MBD6: variants seen among roughly 807,000 people sequenced by gnomAD.
The protein encoded by MBD6 is methyl-CpG binding domain protein 6.
MBD6 carries 22 observed loss-of-function variants against 66.8 expected under a neutral mutation model. The ratio of observed to expected loss-of-function variants is 0.33; its 90% CI spans 0.24 to 0.47. The LOEUF (loss-of-function observed/expected upper bound fraction) is 0.47, where lower values mean the gene tolerates loss of function less well. MBD6 is among the 20% of genes least tolerant of loss of function. The pLI, the probability that MBD6 is intolerant of heterozygous loss-of-function variation, is 1.00. For synonymous variants in MBD6, 540 were observed against 534.6 expected (o/e 1.01, Z -0.14); for missense variants, 1,322 against 1,286.9 (o/e 1.03, Z -0.42).
At chr12:57,527,413 AC>A in intron 7 of MBD6, 93 bp from the exon 8 acceptor site, 1 of 1,471,066 alleles carries the variant, frequency 6.8e-7, no homozygotes, top group South Asian at 1.1e-5. Context: ...GGCCTATCTC[AC>A]TTGAGGCTTC....
At chr12:57,525,322 G>C in intron 5 of MBD6, 26 bp from the exon 6 acceptor site, 2 of 1,553,698 alleles carry the variant, frequency 1.3e-6, no homozygotes, top group Non-Finnish European at 8.7e-7. Flanking sequence ...GCCACAGGCT[G>C]ACCCTTCATT....
Position 57,528,151 on chromosome 12 carries a change from C to T in MBD6, c.2411C>T (p.Pro804Leu), listed in dbSNP as rs140212422. 2.5e-6 allele frequency: 4 copies of T among 1,602,276 alleles called. No homozygotes were observed. Among genetic ancestry groups the T allele is most frequent in the Non-Finnish European group, 2.6e-6 (3 of 1,175,918 alleles). ...LACLLQSLQI[P>L]PEQPEAPCLP... ...AACTTATTTTTTTGCCAGCAGATCC[C>T]TCCAGAGCAGCCAGAAGCCCCCTGT... Residue 804 changes from proline to leucine, a missense_variant, in exon 10 of 13, where the codon CCT (proline) becomes CTT (leucine). By Grantham distance (98) the Pro-to-Leu change is moderately conservative. Coordinates refer to ENST00000355673, the MANE Select transcript of MBD6 (RefSeq NM_052897.4).
chr12:57,524,482 C>T (rs1332963315), intron 3 of MBD6, 66 bp downstream of exon 3: 1 of 1,367,170 alleles, frequency 7.3e-7, no homozygotes, highest in African/African-American at 1.5e-5. Flanking sequence ...TCTTCCGTTT[C>T]TTCTCTCAGC....
intron 8 of MBD6, 50 bp downstream of exon 8, chr12:57,527,710 G>C: frequency 3.9e-6 from 6 of 1,558,320 alleles, no homozygotes; most frequent in Non-Finnish European, 5.2e-6. Flanking sequence ...AAAAGCAGGA[G>C]TAAAACTTGG....
Position 57,527,729 on chromosome 12 carries a change from G to T in MBD6, c.2236+69G>T, listed in dbSNP as rs1879119752. The T allele has an allele frequency of 3.2e-6, 5 of 1,556,548 alleles. No individual in the cohort carries two copies. The South Asian group carries it at 4.9e-5, about 15-fold the overall frequency. On this transcript the variant is annotated intron_variant, in intron 8 of 12. Transcript: ENST00000355673. ...GCAGGAGTAAAACTTGGGAGTAGTG[G>T]CTGAATAAATTGGGGAAGAAAGTCT...
Position 57,525,977 on chromosome 12 carries a change from C to A in MBD6, c.1009C>A (p.Pro337Thr), listed in dbSNP as rs757061772. 23 of 1,613,684 alleles carry A rather than the reference C, an allele frequency of 1.4e-5. No homozygotes were observed. In the Admixed American group the frequency reaches 2.3e-4, roughly 16 times the overall value. ...AAKAQHPPLP[P>T]PSTLQGRRPR... The stretch of plus-strand genomic sequence containing the variant: ...CAAGGCACAGCATCCCCCACTACCC[C>A]CTCCCAGCACTTTACAGGGCCGAAG... Residue 337 changes from proline (P) to threonine (T), a missense_variant, in exon 6 of 13, where the codon CCT (proline) becomes ACT (threonine). Physicochemically the swap from Pro to Thr is conservative, Grantham distance 38. Transcript: ENST00000355673.
chr12:57,529,063 G>A (rs190560929), intron 12 of MBD6, 54 bp downstream of exon 12: 23 of 1,613,506 alleles, frequency 1.4e-5, no homozygotes, highest in African/African-American at 1.3e-4. Context: ...GGGATGAGGC[G>A]GCAGGAGGAA....
chr12:57,525,371 T>C lies in MBD6; in HGVS notation c.403T>C (p.Phe135Leu), dbSNP rs183947015. The change falls in exon 6 of 13, where the codon TTC becomes CTC. Residue 135 changes from phenylalanine (F) to leucine (L), a missense_variant. By Grantham distance (22) the Phe-to-Leu change is conservative. Coordinates refer to ENST00000355673, the MANE Select transcript of MBD6 (RefSeq NM_052897.4). ...SPGEGASPQM[F>L]HTVSPGPPSA... ...AGGAGAGGGAGCGAGCCCCCAAATG[T>C]TCCACACTGTGTCCCCAGGGCCCCC... 3.5e-4 allele frequency: 553 copies of C among 1,567,628 alleles called. 2 individuals are homozygous for C. Among genetic ancestry groups the C allele is most frequent in the Middle Eastern group, 1.2e-3 (7 of 5,794 alleles).
In MBD6 at chr12:57,529,444, C is replaced by T. The variant is rs1300284329; in HGVS notation, c.*210C>T. On this transcript the variant is annotated 3_prime_UTR_variant, in exon 13 of 13. Coordinates refer to ENST00000355673, the MANE Select transcript of MBD6 (RefSeq NM_052897.4). ...CCCCCCCCCACCACCCCCCCGCCCC[C>T]CCGAAGCCATGTCACTGAAAAGGCC... is the stretch of plus-strand genomic sequence containing the variant. 5 of 566,174 alleles carry T rather than the reference C, an allele frequency of 8.8e-6. No homozygotes were observed. In the East Asian group the frequency reaches 1.2e-4, roughly 13 times the overall value. 35.1% of individuals were successfully genotyped at this position (566,174 alleles called of 1,614,324 possible). A position where few individuals can be genotyped will look rare whatever the true frequency, so the allele number is the denominator to read the frequency against.
Position 57,525,799 on chromosome 12 carries a change from T to C in MBD6, c.831T>C (p.Asn277=). 1 of 1,004,070 alleles carries C rather than the reference T, an allele frequency of 1.0e-6. No homozygotes were observed. Among genetic ancestry groups the C allele is most frequent in the Non-Finnish European group, 1.4e-6 (1 of 728,546 alleles). The allele number at this position is 1,004,070 out of a possible 1,614,324, so 62.2% of individuals were successfully genotyped here. The change falls in exon 6 of 13, where the codon AAT becomes AAC. Residue 277 remains asparagine (N), a synonymous_variant. Coordinates refer to ENST00000355673, the MANE Select transcript of MBD6 (RefSeq NM_052897.4). ...CCCCTCCCCTGCCCCCGAGCAATAA[T>C]CTCCCCGCCCACCCTGGTCCTGCCT... ...LTPPPLPPSN[N]LPAHPGPASQ... is the part of the protein sequence containing the mutation.
rs752982615 is a variant in MBD6, at chr12:57,528,253, A to G, written c.2513A>G (p.His838Arg). 12 of 1,605,618 alleles carry G rather than the reference A, an allele frequency of 7.5e-6. No homozygotes were observed. The East Asian group carries it at 2.5e-4, about 33-fold the overall frequency. The change falls in exon 10 of 13, where the codon CAT becomes CGT. Residue 838 changes from histidine (H) to arginine (R), a missense_variant. His to Arg is a conservative substitution (Grantham distance 29). Transcript: ENST00000355673. ...CCCCTCAGTGCCTTAGCCCCACCCC[A>G]TGGTTCTCCCGACCCCCCAGTCCCT... ...RPPLSALAPP[H>R]GSPDPPVPEL...
intron 7 of MBD6, 59 bp downstream of exon 7, chr12:57,527,286 G>T: frequency 8.2e-7 from 1 of 1,219,234 alleles, no homozygotes; most frequent in Non-Finnish European, 1.1e-6. Context: ...GATGGGAGCT[G>T]GGAATCAAAA....
intron 3 of MBD6, 55 bp from the exon 4 acceptor site, chr12:57,524,663 GTA>G: frequency 6.8e-7 from 1 of 1,481,370 alleles, no homozygotes; most frequent in Non-Finnish European, 9.4e-7. Context: ...TGCTTTAGGA[GTA>G]TTGCCTGATT....
Position 57,526,019 on chromosome 12 carries a change from C to A in MBD6, c.1051C>A (p.Pro351Thr). ...LQGRRPRAQA[P>T]SASHSSSLRP... ...GGGCCGAAGGCCCCGTGCCCAGGCACCCTCAGCTTCCCACTCCTCATCACT... is the reference window on the plus strand; with the variant it reads ...GGGCCGAAGGCCCCGTGCCCAGGCAACCTCAGCTTCCCACTCCTCATCACT... The change falls in exon 6 of 13, where the codon CCC becomes ACC. Residue 351 changes from proline (P) to threonine (T), a missense_variant. Pro to Thr is a conservative substitution (Grantham distance 38). Coordinates refer to ENST00000355673, the MANE Select transcript of MBD6 (RefSeq NM_052897.4). 1.9e-6 allele frequency: 3 copies of A among 1,614,030 alleles called. No individual in the cohort carries two copies. Among genetic ancestry groups the A allele is most frequent in the Non-Finnish European group, 8.5e-7 (1 of 1,179,996 alleles).
chr12:57,522,570 C>A (rs1164505004), upstream of MBD6, among the ~76,000 whole-genome samples: 1 of 132,068 alleles, frequency 7.6e-6, no homozygotes, highest in East Asian at 2.1e-4. Flanking sequence ...GCGGGGGGGC[C>A]GCGTGGGGTG....
Position 57,526,350 on chromosome 12 carries a change from T to G in MBD6, c.1382T>G (p.Leu461Arg). The G allele has an allele frequency of 6.2e-7, 1 of 1,607,094 alleles. No homozygotes were observed. The highest frequency in any genetic ancestry group is 8.5e-7 in the Non-Finnish European group (1 of 1,176,072). The change falls in exon 6 of 13, where the codon CTG becomes CGG. Residue 461 changes from leucine to arginine, a missense_variant. Coordinates refer to ENST00000355673, the MANE Select transcript of MBD6 (RefSeq NM_052897.4). ...CCCAGGCACCCCATCCAGCCCTCCC[T>G]GCCTGGGACCACCAGTGGCAGCCTC... ...PQPRHPIQPSLPGTTSGSLSS... is the reference protein window; with the variant it reads ...PQPRHPIQPSRPGTTSGSLSS...
rs371111770 is a variant in MBD6 at position 57,528,185 on chromosome 12, C to T, written c.2445C>T (p.Pro815=). The T allele has an allele frequency of 2.2e-5, 36 of 1,611,056 alleles. No homozygotes were observed. In the South Asian group the frequency reaches 2.6e-4, roughly 12 times the overall value. ...PEQPEAPCLP[P]ESPASALEPE... ...AGCCAGAAGCCCCCTGTCTACCCCC[C>T]GAGAGCCCTGCCTCAGCCCTCGAAC... is the stretch of plus-strand genomic sequence containing the variant. Residue 815 remains proline, a synonymous_variant, in exon 10 of 13, where the codon CCC becomes CCT. Coordinates refer to ENST00000355673, the MANE Select transcript of MBD6 (RefSeq NM_052897.4).
At chr12:57,529,078 G>A in intron 12 of MBD6, 69 bp downstream of exon 12, 4 of 1,613,326 alleles carry the variant, frequency 2.5e-6, no homozygotes, top group Non-Finnish European at 3.4e-6. Flanking sequence ...GAGGAAAGGA[G>A]GGTTAGAGGG....
Position 57,526,301 on chromosome 12 carries a change from C to T in MBD6, c.1333C>T (p.Leu445Phe), listed in dbSNP as rs1471198142. Residue 445 changes from leucine (L) to phenylalanine (F), a missense_variant, in exon 6 of 13, where the codon CTC becomes TTC. By Grantham distance (22) the Leu-to-Phe change is conservative (BLOSUM62 0). Coordinates refer to ENST00000355673, the MANE Select transcript of MBD6 (RefSeq NM_052897.4). ...TGCACACCTTCCTCCTCCCCCAACCCTCTCCTCAGGGAGCCCTCCCCAGCC... is the reference window on the plus strand; with the variant it reads ...TGCACACCTTCCTCCTCCCCCAACCTTCTCCTCAGGGAGCCCTCCCCAGCC... ...SDAHLPPPPT[L>F]SSGSPPQPRH... The T allele has an allele frequency of 6.2e-6, 10 of 1,613,740 alleles. No individual in the cohort carries two copies. Among genetic ancestry groups the T allele is most frequent in the African/African-American group, 2.7e-5 (2 of 74,862 alleles).
Sources: gnomAD v4.1 joint callset for allele counts (sites outside exome capture counted in the v4.1 genomes callset) on GRCh38, gnomAD v4.1.1 for gene constraint, MANE v1.5 for transcripts, NCBI Gene and HGNC (gene_info 2026-07-23, HGNC 2026-07-21) for gene names.